Variants in RRM1 observed in about 807,000 individuals in gnomAD.
RRM1 encodes ribonucleotide reductase catalytic subunit M1.
RRM1 carries 19 observed loss-of-function variants against 101.5 expected under a neutral mutation model. That is an observed-to-expected ratio of 0.19 (90% CI 0.13 to 0.27). The LOEUF (loss-of-function observed/expected upper bound fraction) is 0.27. Among genes scored for constraint, RRM1 ranks in the 10% least tolerant of loss-of-function variants. RRM1 has a pLI of 1.00. For synonymous variants in RRM1, 298 were observed against 323.4 expected, an observed-to-expected ratio of 0.92 and a Z score of 0.84; for missense variants, 500 against 962.9, an observed-to-expected ratio of 0.52 and a Z score of 6.36.
chr11:4,131,584 C>T (rs1402751033), intron 15 of RRM1, among the ~76,000 whole-genome samples: 2 of 152,126 alleles, frequency 1.3e-5, no homozygotes, highest in Admixed American at 1.3e-4. Flanking sequence ...TGTATTTGTG[C>T]CTGCCTGATG....
In RRM1 at chr11:4,133,557, A is replaced by C. The variant is rs1309512740; in HGVS notation, c.1906-6A>C. 6.3e-7 allele frequency: 1 copy of C among 1,589,480 alleles called. No individual in the cohort carries two copies. The highest frequency in any genetic ancestry group is 2.2e-5 in the East Asian group (1 of 44,504). ...TTCTTCATACATTTTCTGCTTTTCC[A>C]TTCAGATTGTAAATCCTCACTTATT... On this transcript the variant is annotated splice_polypyrimidine_tract_variant and splice_region_variant and intron_variant, in intron 16 of 18. Coordinates refer to ENST00000300738, the MANE Select transcript of RRM1 (RefSeq NM_001033.5).
intron 15 of RRM1, among the ~76,000 whole-genome samples, chr11:4,131,463 C>T (rs1032762981): frequency 2.6e-5 from 4 of 152,202 alleles, no homozygotes; most frequent in African/African-American, 9.7e-5. Flanking sequence ...GTAGGAAAGA[C>T]AGGCTCTTTG....
At chr11:4,133,276 A>T (rs1475317067) in intron 16 of RRM1, among the ~76,000 whole-genome samples, 2 of 152,156 alleles carry the variant, frequency 1.3e-5, no homozygotes, top group Non-Finnish European at 2.9e-5. Flanking sequence ...TCCTGGGTTC[A>T]AGCAATTCTC....
intron 7 of RRM1, 133 bp from the exon 8 acceptor site, chr11:4,118,187 G>T: frequency 2.2e-6 from 2 of 894,560 alleles, no homozygotes; most frequent in Non-Finnish European, 3.4e-6. Flanking sequence ...TTTCTTCTTT[G>T]AAAATCATTT....
chr11:4,109,987 G>C (rs983659310), intron 5 of RRM1, among the ~76,000 whole-genome samples: 1 of 152,106 alleles, frequency 6.6e-6, no homozygotes, highest in Non-Finnish European at 1.5e-5. Flanking sequence ...TTTTTGCGTT[G>C]ATAGGCAGTA....
chr11:4,109,077 TA>T (rs1453774937), intron 4 of RRM1, among the ~76,000 whole-genome samples: 2 of 152,160 alleles, frequency 1.3e-5, no homozygotes, highest in Admixed American at 6.5e-5. Flanking sequence ...ATCTTACTGT[TA>T]CAATAGTTCT....
At chr11:4,120,092 A>G (rs772280049) in intron 9 of RRM1, 164 bp downstream of exon 9, 8 of 527,884 alleles carry the variant, frequency 1.5e-5, no homozygotes, top group Non-Finnish European at 2.7e-5. Context: ...CTTTAAATGT[A>G]CAGTTTGATG....
chr11:4,097,123 A>G (rs894042820), intron 1 of RRM1, among the ~76,000 whole-genome samples: 3 of 151,720 alleles, frequency 2.0e-5, no homozygotes, highest in Admixed American at 6.6e-5. Flanking sequence ...CGTCTCTACT[A>G]AAAACACAAA....
intron 17 of RRM1, 83 bp downstream of exon 17, chr11:4,133,741 G>A (rs2094604323): frequency 1.1e-5 from 8 of 748,790 alleles, no homozygotes; most frequent in Non-Finnish European, 1.8e-5. Flanking sequence ...ACAATGGAGA[G>A]AATGACTTCA....
At chr11:4,111,455 T>C in intron 5 of RRM1, 146 bp from the exon 6 acceptor site, 1 of 476,442 alleles carries the variant, frequency 2.1e-6, no homozygotes, top group East Asian at 3.3e-5. Flanking sequence ...CAGATGAAGC[T>C]AGGAAGAGTA....
At position 4,096,202 on chromosome 11, in the gene RRM1, AT is replaced by A. The variant is rs797005236; in HGVS notation, c.19+1174del. The stretch of plus-strand genomic sequence containing the variant: ...CACCATGAGTGGCTAATTTTTAAAA[AT>A]TTCTGGTAGTAAAGGAGTCTTGCTG... On this transcript the variant is annotated intron_variant, in intron 1 of 18. Transcript: ENST00000300738. Among the ~76,000 whole-genome samples, 160 of 152,242 alleles carry A rather than the reference AT, an allele frequency of 1.1e-3. 1 individual carries two copies. Among genetic ancestry groups the A allele is most frequent in the African/African-American group, 3.7e-3 (153 of 41,536 alleles).
In RRM1 at chr11:4,119,871, A is replaced by C. The variant is rs201618632; in HGVS notation, c.819A>C (p.Val273=). 185 of 1,606,680 alleles carry C rather than the reference A, an allele frequency of 1.2e-4. 1 individual carries two copies. In the East Asian group the frequency reaches 3.8e-3, roughly 33 times the overall value. Residue 273 remains valine (V), a synonymous_variant, in exon 9 of 19, where the codon GTA becomes GTC. Transcript: ENST00000300738. ...AGTNGNSNGL[V]PMLRVYNNTA... is the part of the protein sequence containing the mutation. ...CTAATGGCAATTCCAATGGCCTTGTACCGATGCTGAGAGTATATAACAACA... is the reference window on the plus strand; with the variant it reads ...CTAATGGCAATTCCAATGGCCTTGTCCCGATGCTGAGAGTATATAACAACA...
chr11:4,106,010 G>A, intron 2 of RRM1, 36 bp from the exon 3 acceptor site: 2 of 1,576,098 alleles, frequency 1.3e-6, no homozygotes, highest in Non-Finnish European at 1.7e-6. Flanking sequence ...TTGTTTCTTG[G>A]GAAAGCTCAA....
At position 4,106,250 on chromosome 11, in the gene RRM1, T is replaced by C. The variant is rs1335926950; in HGVS notation, c.286+27T>C. The C allele has an allele frequency of 3.8e-6, 6 of 1,573,018 alleles. No individual in the cohort carries two copies. In the African/African-American group the frequency reaches 6.8e-5, roughly 18 times the overall value. On this transcript the variant is annotated intron_variant, in intron 3 of 18. Transcript: ENST00000300738. Reference sequence around the variant, plus strand: ...TAAGTCTGGGGTGAAAAAGTAAAAATTTAGTACTCTCAGAAAAGTAATAAG... The same window carrying C: ...TAAGTCTGGGGTGAAAAAGTAAAAACTTAGTACTCTCAGAAAAGTAATAAG...
chr11:4,118,510 A>C, intron 8 of RRM1, 49 bp downstream of exon 8: 2 of 1,607,082 alleles, frequency 1.2e-6, no homozygotes, highest in Non-Finnish European at 1.7e-6. Context: ...GTCTAAAAGC[A>C]AACAGATTCA....
rs2094601553 is a variant in RRM1, at chr11:4,132,126, A to G, written c.1770-160A>G. Among the ~76,000 whole-genome samples, 1 of 152,234 alleles carries G rather than the reference A, an allele frequency of 6.6e-6. No homozygotes were observed. Among genetic ancestry groups the G allele is most frequent in the Non-Finnish European group, 1.5e-5 (1 of 68,034 alleles). ...CCATACTGTGGAATTGCCTCCCTGT[A>G]GGAGTTTAATTTGAAAGTCAACGTG... On this transcript the variant is annotated intron_variant, in intron 15 of 18. Coordinates refer to ENST00000300738, the MANE Select transcript of RRM1 (RefSeq NM_001033.5). The surrounding 1 kb of genome is among the most constrained non-coding windows in gnomAD (Gnocchi z 4.1).
intron 7 of RRM1, among the ~76,000 whole-genome samples, chr11:4,115,604 T>C (rs546916285): frequency 6.6e-6 from 1 of 152,152 alleles, no homozygotes; most frequent in East Asian, 1.9e-4. Flanking sequence ...TCACTGAGGC[T>C]GGAGTGCAGT....
intron 4 of RRM1, among the ~76,000 whole-genome samples, chr11:4,108,581 G>C (rs1370432219): frequency 1.5e-5 from 2 of 129,142 alleles, no homozygotes; most frequent in African/African-American, 5.7e-5. Flanking sequence ...CTGGGCAACA[G>C]AGTGAGACTC....
Position 4,102,078 on chromosome 11 carries a change from T to A in RRM1, c.105T>A (p.Asp35Glu). 6.6e-7 allele frequency: 1 copy of A among 1,512,432 alleles called. No homozygotes were observed. The highest frequency in any genetic ancestry group is 1.1e-5 in the South Asian group (1 of 86,960). The allele number at this position is 1,512,432 out of a possible 1,614,324, so 93.7% of individuals were successfully genotyped here. A position where few individuals can be genotyped will look rare whatever the true frequency, so the allele number is the denominator to read the frequency against. The change falls in exon 2 of 19, where the codon GAT (aspartate) becomes GAA (glutamate). Residue 35 changes from aspartate to glutamate, a missense_variant. Around this residue, in one of 9 missense-constraint regions of RRM1, gnomAD observed 44 missense variants for 119.4 expected, o/e 0.37. Coordinates refer to ENST00000300738, the MANE Select transcript of RRM1 (RefSeq NM_001033.5). ...ATGGACTCAATATGGATTTTGTTGA[T>A]CCTGTAAGTAAATATGGTTTTTATC... ...LCYGLNMDFV[D>E]PAQITMKVIQ...
Sources: allele counts gnomAD v4.1 joint callset (sites outside exome capture counted in the v4.1 genomes callset), GRCh38; gene constraint gnomAD v4.1.1; regional missense constraint gnomAD v4.1.1; non-coding constraint Gnocchi (gnomAD v3.1); transcripts MANE v1.5; gene names NCBI Gene and HGNC (gene_info 2026-07-23, HGNC 2026-07-21).